TM9SF4: variants seen among roughly 807,000 people sequenced by gnomAD.
TM9SF4 encodes the protein transmembrane 9 superfamily member 4.
TM9SF4 carries 26 observed loss-of-function variants against 90.4 expected under a neutral mutation model. The ratio of observed to expected loss-of-function variants is 0.29; its 90% CI spans 0.21 to 0.40. TM9SF4 has a LOEUF of 0.40. TM9SF4 is among the 10% of genes least tolerant of loss of function. TM9SF4 has a pLI of 1.00. For missense variants in TM9SF4, 549 were observed against 834.8 expected (o/e 0.66, Z 4.22); for synonymous variants, 293 against 315.4 (o/e 0.93, Z 0.75).
intron 12 of TM9SF4, among the ~76,000 whole-genome samples, chr20:32,152,358 AC>A (rs2046855582): frequency 7.3e-6 from 1 of 136,920 alleles, no homozygotes; most frequent in Non-Finnish European, 1.6e-5. Context: ...CCCCCAAACC[AC>A]CCCTTGCATC....
At chr20:32,146,084 C>G (rs945114216) in intron 8 of TM9SF4, among the ~76,000 whole-genome samples, 1 of 152,148 alleles carries the variant, frequency 6.6e-6, no homozygotes, top group Admixed American at 6.5e-5. Context: ...ACAGATAATG[C>G]TAAATACTGT....
At position 32,150,788 on chromosome 20, in the gene TM9SF4, A is replaced by AT; in HGVS notation, c.1170-8dup. The AT allele has an allele frequency of 6.2e-7, 1 of 1,613,848 alleles. No homozygotes were observed. Among genetic ancestry groups the AT allele is most frequent in the Non-Finnish European group, 8.5e-7 (1 of 1,179,970 alleles). ...GGTCCCCTTGGTGTGGATCCCTGCC[A>AT]TTTTCCCACAGGGTGTTTGGCGGAT... On this transcript the variant is annotated splice_polypyrimidine_tract_variant and intron_variant, in intron 11 of 17. Coordinates refer to ENST00000398022, the MANE Select transcript of TM9SF4 (RefSeq NM_014742.4).
At chr20:32,122,646 G>A (rs1372022865) in intron 1 of TM9SF4, among the ~76,000 whole-genome samples, 1 of 151,436 alleles carries the variant, frequency 6.6e-6, no homozygotes, top group Non-Finnish European at 1.5e-5. Flanking sequence ...CTTCCCAGAT[G>A]GGATGGCGGC....
intron 13 of TM9SF4, 35 bp downstream of exon 13, chr20:32,155,221 A>G (rs2046902062): frequency 5.1e-6 from 8 of 1,568,786 alleles, no homozygotes; most frequent in African/African-American, 1.3e-5. Context: ...GCCCCTCCCC[A>G]GCAAGCGAGG....
chr20:32,122,181 A>ACGGGGCGGCTGGCCGGGC (rs2046326388), intron 1 of TM9SF4, among the ~76,000 whole-genome samples: 1 of 127,464 alleles, frequency 7.8e-6, no homozygotes, highest in Admixed American at 7.7e-5. Context: ...TCCCTCCCGG[A>ACGGGGCGGCTGGCCGGGC]CGGGGCGGCT....
In TM9SF4 at chr20:32,109,756, G is replaced by A; in HGVS notation, c.15+1G>A. The A allele has an allele frequency of 6.4e-7, 1 of 1,551,664 alleles. No individual in the cohort carries two copies. Among genetic ancestry groups the A allele is most frequent in the Non-Finnish European group, 8.7e-7 (1 of 1,146,990 alleles). On this transcript the variant is annotated splice_donor_variant, in intron 1 of 17. Transcript: ENST00000398022. LOFTEE classifies it high-confidence loss of function. ...TGGATCCAAGATGGCGACGGCGATG[G>A]TGAGTGAAGGAGACTCCGGGAGCGG... is the stretch of plus-strand genomic sequence containing the variant.
chr20:32,165,857 A>G lies in TM9SF4; in HGVS notation c.*413A>G, dbSNP rs1378106683. The G allele has an allele frequency of 5.5e-6, 1 of 182,076 alleles. No homozygotes were observed. Among genetic ancestry groups the G allele is most frequent in the East Asian group, 1.5e-4 (1 of 6,894 alleles). 11.3% of individuals were successfully genotyped at this position (182,076 alleles called of 1,614,324 possible). On this transcript the variant is annotated 3_prime_UTR_variant, in exon 18 of 18. Transcript: ENST00000398022. ...CCTCAGTTCCTCAGGGCTGTTGGCC[A>G]CCCTATGACTAACTGGAAGAGGACA...
intron 3 of TM9SF4, among the ~76,000 whole-genome samples, chr20:32,140,309 T>G (rs1331276149): frequency 2.6e-5 from 4 of 152,064 alleles, no homozygotes; most frequent in Non-Finnish European, 4.4e-5. Flanking sequence ...GCAGTTACTC[T>G]GAGGCAAAAG....
intron 1 of TM9SF4, among the ~76,000 whole-genome samples, chr20:32,114,940 C>T (rs536627187): frequency 2.0e-5 from 3 of 152,220 alleles, no homozygotes; most frequent in Non-Finnish European, 4.4e-5. Context: ...TGATGATTTC[C>T]AAATTCTGAG....
At chr20:32,161,088 C>T in intron 16 of TM9SF4, 188 bp from the exon 17 acceptor site, 2 of 541,370 alleles carry the variant, frequency 3.7e-6, no homozygotes, top group Admixed American at 6.4e-5. Flanking sequence ...CTTCTTTGTC[C>T]ACAGTTCTGT....
chr20:32,139,852 G>C (rs1468611948), intron 3 of TM9SF4, among the ~76,000 whole-genome samples: 1 of 152,240 alleles, frequency 6.6e-6, no homozygotes, highest in African/African-American at 2.4e-5. Flanking sequence ...ATGCTGTCCT[G>C]TCTGGAATAT....
chr20:32,121,362 T>C (rs1038371035), intron 1 of TM9SF4, among the ~76,000 whole-genome samples: 2 of 152,040 alleles, frequency 1.3e-5, no homozygotes, highest in African/African-American at 4.8e-5. Context: ...TTCTGCAGCG[T>C]TTGTGTCCCT....
chr20:32,127,553 G>C (rs1216391380), intron 1 of TM9SF4, among the ~76,000 whole-genome samples: 2 of 152,198 alleles, frequency 1.3e-5, no homozygotes, highest in African/African-American at 4.8e-5. Flanking sequence ...TGTGCCTTGT[G>C]CTTAGGAGGT....
At chr20:32,132,281 G>A (rs1235544153) in intron 1 of TM9SF4, among the ~76,000 whole-genome samples, 1 of 152,154 alleles carries the variant, frequency 6.6e-6, no homozygotes, top group Non-Finnish European at 1.5e-5. Flanking sequence ...GTGGATGCCT[G>A]TAGTCCCAGC....
intron 12 of TM9SF4, among the ~76,000 whole-genome samples, chr20:32,152,859 T>C (rs747775651): frequency 5.3e-5 from 8 of 152,180 alleles, no homozygotes; most frequent in Non-Finnish European, 1.2e-4. Flanking sequence ...CAGAGCTAAG[T>C]AGGGGCAGGT....
At position 32,141,537 on chromosome 20, in the gene TM9SF4, C is replaced by T; in HGVS notation, c.270C>T (p.Phe90=). 6.2e-7 allele frequency: 1 copy of T among 1,614,122 alleles called. No homozygotes were observed. Among genetic ancestry groups the T allele is most frequent in the Non-Finnish European group, 8.5e-7 (1 of 1,180,036 alleles). Residue 90 remains phenylalanine, a synonymous_variant, in exon 4 of 18, where the codon TTC becomes TTT. Transcript: ENST00000398022. ...LRGDRIVNTP[F]QVLMNSEKKC... ...GGGACCGGATTGTCAACACCCCTTT[C>T]CAGGTTCTCATGAACAGCGAGAAGA...
In TM9SF4 at chr20:32,165,286, TG is replaced by T. The variant is rs779426411; in HGVS notation, c.1780-7del. ...ATGCACCCTGTCTTCTTTCTGCTCG[TG>T]GCCGCAGCTGGACATCGTGGAGTTC... On this transcript the variant is annotated splice_region_variant and splice_polypyrimidine_tract_variant and intron_variant, in intron 17 of 17. Transcript: ENST00000398022. 66 of 1,613,988 alleles carry T rather than the reference TG, an allele frequency of 4.1e-5. No individual in the cohort carries two copies. Among genetic ancestry groups the T allele is most frequent in the Non-Finnish European group, 5.2e-5 (61 of 1,179,984 alleles).
rs1216232497 is a variant in TM9SF4 at position 32,167,019 on chromosome 20, AGGG to A, written c.*1576_*1578del. ...TCCACCAAGCATCAAGTTGGAGAAAAGGGAACCCAAGCAGTAGAGAGCGATATT... is the reference window on the plus strand; with the variant it reads ...TCCACCAAGCATCAAGTTGGAGAAAAAACCCAAGCAGTAGAGAGCGATATT... On this transcript the variant is annotated 3_prime_UTR_variant, in exon 18 of 18. Coordinates refer to ENST00000398022, the MANE Select transcript of TM9SF4 (RefSeq NM_014742.4). 1 of 152,102 alleles carries A rather than the reference AGGG, an allele frequency of 6.6e-6. No homozygotes were observed. The highest frequency in any genetic ancestry group is 1.5e-5 in the Non-Finnish European group (1 of 68,038). The allele number at this position is 152,102 out of a possible 1,614,324, so 9.4% of individuals were successfully genotyped here. A position where few individuals can be genotyped will look rare whatever the true frequency, so the allele number is the denominator to read the frequency against.
At chr20:32,134,611 C>T (rs925966079) in intron 2 of TM9SF4, among the ~76,000 whole-genome samples, 2 of 152,070 alleles carry the variant, frequency 1.3e-5, no homozygotes, top group East Asian at 1.9e-4. Context: ...ACTGTCCAGA[C>T]CCAGCTTGGC....
Sources: allele counts gnomAD v4.1 joint callset (sites outside exome capture counted in the v4.1 genomes callset), GRCh38; gene constraint gnomAD v4.1.1; transcripts MANE v1.5; gene names NCBI Gene and HGNC (gene_info 2026-07-23, HGNC 2026-07-21).